Variants in WT1 observed in about 807,000 individuals in gnomAD.
WT1 encodes the protein WT1 transcription factor, also known as Wilms tumor protein.
A neutral mutation model predicts 60.8 loss-of-function variants in WT1; 8 were observed. The observed-to-expected ratio is 0.13, with a 90% confidence interval of 0.08 to 0.24. The LOEUF is 0.24. WT1 is among the 10% of genes least tolerant of loss of function. The pLI, the probability that WT1 is intolerant of heterozygous loss-of-function variation, is 1.00. For synonymous variants in WT1, 312 were observed against 297.1 expected (o/e 1.05, Z -0.52); for missense variants, 568 against 711.8 (o/e 0.80, Z 2.30).
rs189407871 is a variant in WT1, at chr11:32,388,593, T to G, written c.*465A>C. 19 of 251,158 alleles carry G rather than the reference T, an allele frequency of 7.6e-5. No homozygotes were observed. Among genetic ancestry groups the G allele is most frequent in the African/African-American group, 3.9e-4 (18 of 46,036 alleles). The allele number at this position is 251,158 out of a possible 1,614,324, so 15.6% of individuals were successfully genotyped here. Reference sequence around the variant, plus strand: ...CCCGATGCCTTGCTCTCTGATTTATTTCTTGCTGTTGCTGTTAGTAAATGG... The same window carrying G: ...CCCGATGCCTTGCTCTCTGATTTATGTCTTGCTGTTGCTGTTAGTAAATGG... On this transcript the variant is annotated 3_prime_UTR_variant, in exon 10 of 10. Coordinates refer to ENST00000452863, the MANE Select transcript of WT1 (RefSeq NM_024426.6).
chr11:32,425,721 C>A (rs1853012855), intron 3 of WT1, among the ~76,000 whole-genome samples: 1 of 152,112 alleles, frequency 6.6e-6, no homozygotes, highest in African/African-American at 2.4e-5. Context: ...GATGTTACTA[C>A]TTGGGAAATT....
At chr11:32,396,498 C>T in intron 6 of WT1, 91 bp from the exon 7 acceptor site, 1 of 1,562,742 alleles carries the variant, frequency 6.4e-7, no homozygotes, top group East Asian at 2.3e-5. Flanking sequence ...GGAGTATATC[C>T]AAAGAAGGGG....
At chr11:32,430,553 A>C in intron 1 of WT1, 2 of 1,610,282 alleles carry the variant, frequency 1.2e-6, no homozygotes, top group South Asian at 2.2e-5. Flanking sequence ...TGAGCCCAGG[A>C]GTAGGCAGGG....
At chr11:32,414,950 C>T (rs1354863180) in intron 5 of WT1, among the ~76,000 whole-genome samples, 1 of 151,774 alleles carries the variant, frequency 6.6e-6, no homozygotes, top group Non-Finnish European at 1.5e-5. Flanking sequence ...AATGAAAACT[C>T]TTCTCATTTT....
chr11:32,414,190 A>G (rs889547268), intron 5 of WT1, among the ~76,000 whole-genome samples: 2 of 152,250 alleles, frequency 1.3e-5, no homozygotes, highest in Non-Finnish European at 2.9e-5. Context: ...TTGTGGAACT[A>G]TCTGTTGGGC....
intron 1 of WT1, chr11:32,430,734 G>A: frequency 1.5e-6 from 2 of 1,348,694 alleles, no homozygotes; most frequent in East Asian, 2.7e-5. Context: ...CTCCCAGACC[G>A]GACACGCAGA....
chr11:32,428,819 G>T (rs1044355135), intron 1 of WT1, 200 bp from the exon 2 acceptor site: 22 of 754,062 alleles, frequency 2.9e-5, no homozygotes, highest in Middle Eastern at 7.4e-4. Flanking sequence ...CTTGGGACAG[G>T]CTTCTCCATC....
intron 5 of WT1, among the ~76,000 whole-genome samples, chr11:32,403,156 A>G (rs922988755): frequency 2.2e-5 from 3 of 135,940 alleles, no homozygotes; most frequent in African/African-American, 7.6e-5. Flanking sequence ...GTCCATGAGG[A>G]AAAAAAAAAC....
chr11:32,432,605 G>A (rs1191764557), intron 1 of WT1, among the ~76,000 whole-genome samples: 2 of 152,190 alleles, frequency 1.3e-5, no homozygotes, highest in African/African-American at 4.8e-5. Context: ...TCTCCAGGGT[G>A]GAGAAGAAGG....
chr11:32,389,551 T>TG (rs1165829829), intron 9 of WT1, among the ~76,000 whole-genome samples: 3 of 152,276 alleles, frequency 2.0e-5, no homozygotes, highest in South Asian at 2.1e-4. Flanking sequence ...TTGAGTAAGT[T>TG]GGGAACTGAG....
chr11:32,393,093 T>C (rs1423066313), intron 7 of WT1, among the ~76,000 whole-genome samples: 3 of 152,132 alleles, frequency 2.0e-5, no homozygotes, highest in Non-Finnish European at 2.9e-5. Context: ...GAGCCTGGCA[T>C]AGAAGGCGTG....
intron 5 of WT1, among the ~76,000 whole-genome samples, chr11:32,410,811 T>C (rs755656460): frequency 1.3e-5 from 2 of 152,260 alleles, no homozygotes; most frequent in African/African-American, 2.4e-5. Flanking sequence ...TCGCTTTTAA[T>C]AGAAAAACTC....
intron 5 of WT1, among the ~76,000 whole-genome samples, chr11:32,411,777 C>T (rs1296979520): frequency 6.6e-6 from 1 of 152,154 alleles, no homozygotes; most frequent in Admixed American, 6.5e-5. Context: ...GGACACAGAG[C>T]TAAGTCACGA....
chr11:32,389,264 C>T, intron 9 of WT1, 85 bp from the exon 10 acceptor site: 1 of 1,606,038 alleles, frequency 6.2e-7, no homozygotes, highest in South Asian at 1.1e-5. Context: ...GAAGTCATCA[C>T]AAGGCACCCA....
intron 1 of WT1, among the ~76,000 whole-genome samples, chr11:32,429,332 G>C (rs1196163912): frequency 6.6e-6 from 1 of 152,074 alleles, no homozygotes; most frequent in South Asian, 2.1e-4. Flanking sequence ...TGCTGTAGGA[G>C]CCAACTTCCT....
chr11:32,393,225 G>T lies in WT1; in HGVS notation c.1265-470C>A, dbSNP rs577670401. ...TGAAATAAGAGTTTTATGTTTTAGG[G>T]CCCAAAGATCTGGTGTTCTTTGCTA... On this transcript the variant is annotated intron_variant, in intron 7 of 9. Transcript: ENST00000452863. Among the ~76,000 whole-genome samples, 10 of 152,308 alleles carry T rather than the reference G, an allele frequency of 6.6e-5. No individual in the cohort carries two copies. In the South Asian group the frequency reaches 1.9e-3, roughly 28 times the overall value.
intron 1 of WT1, among the ~76,000 whole-genome samples, chr11:32,431,143 C>A (rs572402312): frequency 5.4e-4 from 82 of 152,308 alleles, no homozygotes; most frequent in African/African-American, 1.9e-3. Context: ...AGCCGGGAAC[C>A]GCCTGGCCTG....
intron 5 of WT1, among the ~76,000 whole-genome samples, chr11:32,415,064 A>G (rs543119528): frequency 3.3e-4 from 51 of 152,320 alleles, no homozygotes; most frequent in African/African-American, 1.2e-3. Flanking sequence ...ACATGTCTAA[A>G]GACCTTAAAA....
chr11:32,404,194 C>T (rs941215363), intron 5 of WT1, among the ~76,000 whole-genome samples: 10 of 147,462 alleles, frequency 6.8e-5, no homozygotes, highest in African/African-American at 1.3e-4. Flanking sequence ...CGCTTGAACC[C>T]GGGAGGCGGA....
Sources: allele counts gnomAD v4.1 joint callset (sites outside exome capture counted in the v4.1 genomes callset), GRCh38; gene constraint gnomAD v4.1.1; transcripts MANE v1.5; gene names NCBI Gene and HGNC (gene_info 2026-07-23, HGNC 2026-07-21).